Variants in TRPM3 observed in about 807,000 individuals in gnomAD.
TRPM3 encodes the protein transient receptor potential cation channel subfamily M member 3, also known as long transient receptor potential channel 3.
Under a neutral mutation model 181.2 loss-of-function variants are expected in TRPM3, and 77 were observed. That is an observed-to-expected ratio of 0.42 (90% CI 0.35 to 0.51). The LOEUF is 0.51. TRPM3 is among the 20% of genes least tolerant of loss of function. The pLI, the probability that TRPM3 is intolerant of heterozygous loss-of-function variation, is 0.01. For synonymous variants in TRPM3, 745 were observed against 796.4 expected (o/e 0.94, Z 1.09); for missense variants, 1,759 against 2,196.7 (o/e 0.80, Z 3.98).
At chr9:71,170,009 A>G (rs1490893996) in intron 1 of TRPM3, among the ~76,000 whole-genome samples, 1 of 149,834 alleles carries the variant, frequency 6.7e-6, no homozygotes, top group Non-Finnish European at 1.5e-5. Flanking sequence ...TCAAAAAAAA[A>G]AAAAAAAAAA....
chr9:70,552,769 G>A lies in TRPM3; in HGVS notation c.3574+75C>T, dbSNP rs576547128. The A allele has an allele frequency of 8.0e-6, 12 of 1,508,262 alleles. No individual in the cohort carries two copies. The East Asian group carries it at 2.3e-4, about 28-fold the overall frequency. 93.4% of individuals were successfully genotyped at this position (1,508,262 alleles called of 1,614,324 possible). A position where few individuals can be genotyped will look rare whatever the true frequency, so the allele number is the denominator to read the frequency against. ...GGTAGGAGGAACTAGGTGGGCATGC[G>A]ATTCTGCGTGATTGCCTATAGGAAG... is the stretch of plus-strand genomic sequence containing the variant. On this transcript the variant is annotated intron_variant, in intron 24 of 25. Transcript: ENST00000677713.
At chr9:71,126,621 C>G (rs747957997), upstream of TRPM3, among the ~76,000 whole-genome samples, 10 of 152,104 alleles carry the variant, frequency 6.6e-5, no homozygotes, top group Non-Finnish European at 5.9e-5. Flanking sequence ...CTTTTGCCAT[C>G]TTTTGTAGAT....
intron 7 of TRPM3, chr9:70,776,466 T>C: frequency 1.4e-6 from 1 of 707,640 alleles, no homozygotes; most frequent in Non-Finnish European, 2.6e-6. Flanking sequence ...TTTCTCTTTT[T>C]AGATTGGTTA....
chr9:71,441,240 C>G (rs540314347), intron 1 of TRPM3, among the ~76,000 whole-genome samples: 9 of 149,982 alleles, frequency 6.0e-5, no homozygotes, highest in Admixed American at 2.7e-4. Flanking sequence ...TTTTTTTTCA[C>G]ACACAAAAAA....
chr9:71,436,727 A>T (rs1221559191), intron 1 of TRPM3, among the ~76,000 whole-genome samples: 3 of 152,036 alleles, frequency 2.0e-5, no homozygotes, highest in Admixed American at 2.0e-4. Flanking sequence ...AAGCAAATAG[A>T]TTTTCATCTA....
chr9:70,681,654 G>A (rs2065464945), intron 8 of TRPM3, 76 bp from the exon 9 acceptor site: 1 of 1,183,648 alleles, frequency 8.4e-7, no homozygotes, highest in South Asian at 1.2e-5. Context: ...GACCACATCT[G>A]AGCAGAGACT....
chr9:70,572,532 T>C, intron 22 of TRPM3, among the ~76,000 whole-genome samples: 1 of 152,218 alleles, frequency 6.6e-6, no homozygotes, highest in Non-Finnish European at 1.5e-5. Context: ...TTGTTGACAG[T>C]TCTACAGTCT....
chr9:70,603,842 A>T (rs2060513927), intron 19 of TRPM3, among the ~76,000 whole-genome samples: 1 of 152,148 alleles, frequency 6.6e-6, no homozygotes, highest in Non-Finnish European at 1.5e-5. Flanking sequence ...TTCTTAAACT[A>T]GGGCAGCACA....
chr9:71,348,162 A>G (rs2091399538), intron 1 of TRPM3, among the ~76,000 whole-genome samples: 1 of 152,238 alleles, frequency 6.6e-6, no homozygotes, highest in Admixed American at 6.5e-5. Context: ...AGTTACACAT[A>G]CACAGAGACA....
intron 1 of TRPM3, among the ~76,000 whole-genome samples, chr9:70,992,143 C>T (rs1253672900): frequency 6.6e-6 from 1 of 152,188 alleles, no homozygotes; most frequent in East Asian, 1.9e-4. Context: ...AGTATGGGAG[C>T]TCCTTGTACC....
At chr9:71,163,714 A>T (rs2076386970) in intron 1 of TRPM3, among the ~76,000 whole-genome samples, 1 of 152,140 alleles carries the variant, frequency 6.6e-6, no homozygotes, top group Non-Finnish European at 1.5e-5. Flanking sequence ...TAACCAGAAG[A>T]TCAAAGACTG....
At chr9:70,743,114 A>G (rs1340483554) in intron 8 of TRPM3, among the ~76,000 whole-genome samples, 1 of 152,198 alleles carries the variant, frequency 6.6e-6, no homozygotes, top group Non-Finnish European at 1.5e-5. Context: ...CAGGTGGGAT[A>G]TTCACAGATT....
At chr9:71,245,968 T>A (rs1309299089) in intron 1 of TRPM3, among the ~76,000 whole-genome samples, 2 of 152,232 alleles carry the variant, frequency 1.3e-5, no homozygotes, top group African/African-American at 2.4e-5. Context: ...ATGGCTTTTT[T>A]ATTTTGTCAG....
chr9:70,880,557 T>G (rs2132684793), intron 1 of TRPM3, among the ~76,000 whole-genome samples: 1 of 152,232 alleles, frequency 6.6e-6, no homozygotes, highest in South Asian at 2.1e-4. Context: ...TGGATTTTAG[T>G]TGGTATTTGC....
intron 1 of TRPM3, among the ~76,000 whole-genome samples, chr9:71,119,474 AG>A (rs2073148318): frequency 6.6e-6 from 1 of 151,712 alleles, no homozygotes; most frequent in South Asian, 2.1e-4. Context: ...TTCTTCTAAA[AG>A]AAGTACCTCA....
chr9:71,004,303 A>G (rs933857670), intron 1 of TRPM3, among the ~76,000 whole-genome samples: 4 of 152,260 alleles, frequency 2.6e-5, no homozygotes, highest in Non-Finnish European at 5.9e-5. Context: ...AACAACCCAA[A>G]GGCTGGTGAT....
At chr9:70,681,260 C>A (rs572326445) in intron 9 of TRPM3, among the ~76,000 whole-genome samples, 1 of 151,952 alleles carries the variant, frequency 6.6e-6, no homozygotes, top group Non-Finnish European at 1.5e-5. Flanking sequence ...TCTTTATATA[C>A]GTTTATAATT....
At chr9:71,311,700 T>C (rs1019367662) in intron 1 of TRPM3, among the ~76,000 whole-genome samples, 1 of 151,762 alleles carries the variant, frequency 6.6e-6, no homozygotes, top group African/African-American at 2.4e-5. Flanking sequence ...AGATCAGAGG[T>C]GTCCAATCTT....
At chr9:70,938,963 A>T (rs956213021) in intron 1 of TRPM3, among the ~76,000 whole-genome samples, 37 of 152,056 alleles carry the variant, frequency 2.4e-4, no homozygotes, top group East Asian at 3.9e-4. Flanking sequence ...GTCTCAAAAA[A>T]AAAAATAAAA....
Sources: gnomAD v4.1 joint callset for allele counts (sites outside exome capture counted in the v4.1 genomes callset) on GRCh38, gnomAD v4.1.1 for gene constraint, MANE v1.5 for transcripts, NCBI Gene and HGNC (gene_info 2026-07-23, HGNC 2026-07-21) for gene names.